FZD3: variants seen among roughly 807,000 people sequenced by gnomAD.
The protein encoded by FZD3 is frizzled-3.
Under a neutral mutation model 60.7 loss-of-function variants are expected in FZD3, and 30 were observed. The ratio of observed to expected loss-of-function variants is 0.49; its 90% CI spans 0.37 to 0.67. FZD3 has a LOEUF of 0.67. Among genes scored for constraint, FZD3 ranks in the 30% least tolerant of loss-of-function variants. The pLI, the probability that FZD3 is intolerant of heterozygous loss-of-function variation, is 0.00. For missense variants in FZD3, 605 were observed against 838.7 expected, an observed-to-expected ratio of 0.72 and a Z score of 3.44; for synonymous variants, 246 against 275.2, an observed-to-expected ratio of 0.89 and a Z score of 1.05.
intron 5 of FZD3, among the ~76,000 whole-genome samples, chr8:28,539,992 C>T (rs1182504819): frequency 2.0e-5 from 3 of 151,310 alleles, no homozygotes; most frequent in Non-Finnish European, 2.9e-5. Flanking sequence ...AAAATCAAAA[C>T]GCAGGTAAAT....
rs1344837652 is a variant in FZD3 at position 28,566,056 on chromosome 8, A to G, written c.*3045A>G. On this transcript the variant is annotated 3_prime_UTR_variant, in exon 8 of 8. Transcript: ENST00000240093. The stretch of plus-strand genomic sequence containing the variant: ...GTTTGTTTCAAAGAACAATTGGTTA[A>G]TAACTCAGCTGGCACAGGGATTCAT... 6.6e-6 allele frequency: 1 copy of G among 152,218 alleles called. No homozygotes were observed. Among genetic ancestry groups the G allele is most frequent in the Non-Finnish European group, 1.5e-5 (1 of 68,016 alleles). 9.4% of individuals were successfully genotyped at this position (152,218 alleles called of 1,614,324 possible).
chr8:28,547,040 T>G (rs1805311724), intron 5 of FZD3, among the ~76,000 whole-genome samples: 1 of 152,168 alleles, frequency 6.6e-6, no homozygotes, highest in South Asian at 2.1e-4. Flanking sequence ...AAAGTCTCCC[T>G]TCTATCACTG....
In FZD3 at chr8:28,527,137, T is replaced by G. The variant is rs1365717524; in HGVS notation, c.387-10T>G. The G allele has an allele frequency of 1.3e-6, 2 of 1,589,708 alleles. No homozygotes were observed. The highest frequency in any genetic ancestry group is 1.7e-6 in the Non-Finnish European group (2 of 1,170,874). On this transcript the variant is annotated splice_polypyrimidine_tract_variant and intron_variant, in intron 4 of 7. Transcript: ENST00000240093. The surrounding 1 kb of genome is among the most constrained non-coding windows in gnomAD (Gnocchi z 5.0). The stretch of plus-strand genomic sequence containing the variant: ...AGTAAAAATAGTTCTCATCTTGTTT[T>G]GTTTTTTAGGTTCCCAGATTGTGAT...
intron 3 of FZD3, among the ~76,000 whole-genome samples, chr8:28,516,073 T>A (rs1264279274): frequency 6.6e-6 from 1 of 152,218 alleles, no homozygotes; most frequent in Non-Finnish European, 1.5e-5. Context: ...TTTGAGTTGA[T>A]TTTTGTATAT....
At chr8:28,521,138 A>G (rs141303874) in intron 4 of FZD3, among the ~76,000 whole-genome samples, 11 of 152,258 alleles carry the variant, frequency 7.2e-5, no homozygotes, top group African/African-American at 2.6e-4. Flanking sequence ...ATTTGTGAAA[A>G]ATTATACGGA....
intron 6 of FZD3, among the ~76,000 whole-genome samples, chr8:28,555,067 C>A (rs352436): frequency 0.63 from 94,996 of 151,926 alleles, 30,121 homozygotes; most frequent in African/African-American, 0.71. Flanking sequence ...TGTTCTTAAC[C>A]ATAATTTTTC....
At chr8:28,538,010 A>G (rs959472429) in intron 5 of FZD3, among the ~76,000 whole-genome samples, 9 of 151,704 alleles carry the variant, frequency 5.9e-5, no homozygotes, top group Non-Finnish European at 8.8e-5. Flanking sequence ...CCAGCTACCT[A>G]GGAGGCTGAG....
chr8:28,506,972 T>C (rs1260454166), intron 3 of FZD3, among the ~76,000 whole-genome samples: 1 of 152,242 alleles, frequency 6.6e-6, no homozygotes, highest in Non-Finnish European at 1.5e-5. Flanking sequence ...TCATTATCAC[T>C]GCATGCCCTT....
chr8:28,526,694 A>T (rs1006748031), intron 4 of FZD3, among the ~76,000 whole-genome samples: 4 of 152,200 alleles, frequency 2.6e-5, no homozygotes, highest in Admixed American at 6.5e-5. Context: ...AGATTTGAAG[A>T]TACAAATCAG....
Position 28,567,406 on chromosome 8 carries a change from A to C in FZD3, c.*4395A>C, listed in dbSNP as rs1290996551. The C allele has an allele frequency of 6.6e-6, 1 of 152,164 alleles. No homozygotes were observed. Among genetic ancestry groups the C allele is most frequent in the Non-Finnish European group, 1.5e-5 (1 of 68,106 alleles). 9.4% of individuals were successfully genotyped at this position (152,164 alleles called of 1,614,324 possible). On this transcript the variant is annotated 3_prime_UTR_variant, in exon 8 of 8. Transcript: ENST00000240093. ...GTGATCTGCCCACCTCAGCCTCCCA[A>C]AGTGCTAGGATTACAGGCATGAGTC...
chr8:28,514,470 C>G (rs1804371689), intron 3 of FZD3, among the ~76,000 whole-genome samples: 1 of 152,094 alleles, frequency 6.6e-6, no homozygotes, highest in South Asian at 2.1e-4. Context: ...CCTGTGAAAC[C>G]ATCACCACAG....
chr8:28,563,051 A>G lies in FZD3; in HGVS notation c.*40A>G, dbSNP rs1365374470. ...GGTGGAAATCTTGTGCTGTTTAAAAAGCAGATTTTATTCTTTGCCTTTTGC... is the reference window on the plus strand; with the variant it reads ...GGTGGAAATCTTGTGCTGTTTAAAAGGCAGATTTTATTCTTTGCCTTTTGC... On this transcript the variant is annotated 3_prime_UTR_variant, in exon 8 of 8. Coordinates refer to ENST00000240093, the MANE Select transcript of FZD3 (RefSeq NM_017412.4). 3.6e-6 allele frequency: 5 copies of G among 1,401,484 alleles called. No individual in the cohort carries two copies. Among genetic ancestry groups the G allele is most frequent in the Non-Finnish European group, 5.1e-6 (5 of 986,996 alleles). The allele number at this position is 1,401,484 out of a possible 1,614,324, so 86.8% of individuals were successfully genotyped here.
At chr8:28,524,160 T>C (rs954978009) in intron 4 of FZD3, among the ~76,000 whole-genome samples, 14 of 152,146 alleles carry the variant, frequency 9.2e-5, no homozygotes, top group Non-Finnish European at 2.1e-4. Flanking sequence ...ATTCTAAAAA[T>C]TCATGGACAC....
At chr8:28,501,351 C>T (rs1803988548) in intron 2 of FZD3, among the ~76,000 whole-genome samples, 1 of 152,104 alleles carries the variant, frequency 6.6e-6, no homozygotes, top group African/African-American at 2.4e-5. Context: ...CATGGAGTTC[C>T]CAGTCATTGA....
chr8:28,560,905 A>G (rs576944163), intron 7 of FZD3, among the ~76,000 whole-genome samples: 2 of 152,342 alleles, frequency 1.3e-5, no homozygotes, highest in South Asian at 2.1e-4. Context: ...TGCAGAACAA[A>G]TTTAAAACTG....
At chr8:28,528,311 T>C (rs1804773584) in intron 5 of FZD3, 147 bp downstream of exon 5, 2 of 631,522 alleles carry the variant, frequency 3.2e-6, no homozygotes, top group South Asian at 4.0e-5. Context: ...GACAAATATG[T>C]TGTAGTAAAT....
rs1805746103 is a variant in FZD3, at chr8:28,568,553, T to C, written c.*5542T>C. 1 of 152,138 alleles carries C rather than the reference T, an allele frequency of 6.6e-6. No homozygotes were observed. The highest frequency in any genetic ancestry group is 1.5e-5 in the Non-Finnish European group (1 of 67,984). 9.4% of individuals were successfully genotyped at this position (152,138 alleles called of 1,614,324 possible). A position where few individuals can be genotyped will look rare whatever the true frequency, so the allele number is the denominator to read the frequency against. ...TCCAAGTCTTCTAAGAATGAAAATGTTGAAGTCTACCCAGAACCAGCCATC... is the reference window on the plus strand; with the variant it reads ...TCCAAGTCTTCTAAGAATGAAAATGCTGAAGTCTACCCAGAACCAGCCATC... On this transcript the variant is annotated 3_prime_UTR_variant, in exon 8 of 8. Coordinates refer to ENST00000240093, the MANE Select transcript of FZD3 (RefSeq NM_017412.4).
In FZD3 at chr8:28,550,439, T is replaced by TTG. The variant is rs1384756332; in HGVS notation, c.1405-1163_1405-1162insGT. Among the ~76,000 whole-genome samples, 55 of 53,728 alleles carry TTG rather than the reference T, an allele frequency of 1.0e-3. 1 individual carries two copies. The highest frequency in any genetic ancestry group is 3.5e-3 in the African/African-American group (52 of 14,874). The allele number at this position is 53,728 out of a possible 152,430, so 35.2% of individuals were successfully genotyped here. ...AACTTTGGGTTATTAGTTCTGCTGT[T>TTG]TTTTTTTTTTTGTCTTACAAATACT... On this transcript the variant is annotated intron_variant, in intron 5 of 7. Coordinates refer to ENST00000240093, the MANE Select transcript of FZD3 (RefSeq NM_017412.4).
chr8:28,560,141 G>C (rs1258983235), intron 7 of FZD3, among the ~76,000 whole-genome samples: 1 of 152,158 alleles, frequency 6.6e-6, no homozygotes, highest in East Asian at 1.9e-4. Flanking sequence ...CAGTTATTTA[G>C]ATTAGTGATA....
Sources: allele counts gnomAD v4.1 joint callset (sites outside exome capture counted in the v4.1 genomes callset), GRCh38; gene constraint gnomAD v4.1.1; non-coding constraint Gnocchi (gnomAD v3.1); transcripts MANE v1.5; gene names NCBI Gene and HGNC (gene_info 2026-07-23, HGNC 2026-07-21).